The following TRABD2B variants were observed in gnomAD, a reference collection of about 807,000 sequenced individuals.
TRABD2B encodes metalloprotease TIKI2.
In TRABD2B, 14 loss-of-function variants were observed where a neutral mutation model predicts 40.1. That is an observed-to-expected ratio of 0.35 (90% CI 0.23 to 0.55). TRABD2B has a LOEUF of 0.55. TRABD2B is among the 20% of genes least tolerant of loss of function. The pLI is 0.90. For synonymous variants in TRABD2B, 263 were observed against 277.0 expected (o/e 0.95, Z 0.50); for missense variants, 541 against 648.6 (o/e 0.83, Z 1.80).
Position 47,996,967 on chromosome 1 carries a change from C to A in TRABD2B, c.-178G>T. The A allele has an allele frequency of 9.0e-7, 1 of 1,106,996 alleles. No homozygotes were observed. Among genetic ancestry groups the A allele is most frequent in the South Asian group, 4.5e-5 (1 of 22,338 alleles). 68.6% of individuals were successfully genotyped at this position (1,106,996 alleles called of 1,614,324 possible). The stretch of plus-strand genomic sequence containing the variant: ...TCGGACCTGGGGGTTTCTCTGGGGC[C>A]GGGCTCCGTCTGTTGGAAGAGGGAG... On this transcript the variant is annotated 5_prime_UTR_variant, in exon 1 of 7. Coordinates refer to ENST00000606738, the MANE Select transcript of TRABD2B (RefSeq NM_001194986.2). This position sits in a 1 kb window ranked among gnomAD's most constrained non-coding sequence, Gnocchi z 4.6.
chr1:47,772,594 A>G (rs941192292), intron 6 of TRABD2B, among the ~76,000 whole-genome samples: 8 of 152,142 alleles, frequency 5.3e-5, no homozygotes, highest in African/African-American at 1.9e-4. Flanking sequence ...GATGGCTCCA[A>G]TGGGGTTTCG....
intron 6 of TRABD2B, among the ~76,000 whole-genome samples, chr1:47,771,786 A>G (rs1644380703): frequency 1.3e-5 from 2 of 152,190 alleles, no homozygotes; most frequent in South Asian, 4.1e-4. Flanking sequence ...ATGGGTCCCC[A>G]TAAATCATCC....
At chr1:47,838,153 C>T (rs1257563194) in intron 2 of TRABD2B, among the ~76,000 whole-genome samples, 1 of 152,234 alleles carries the variant, frequency 6.6e-6, no homozygotes, top group Non-Finnish European at 1.5e-5. Flanking sequence ...ACTGTCCTCC[C>T]TCTCACCCTA....
In TRABD2B at chr1:47,764,837, C is replaced by T. The variant is rs1644282771; in HGVS notation, c.*1065G>A. ...GGATCTTCAGCAAGTCCCTTCGCCT[C>T]TTTGGGGGGCTCAGTTTCCTCATCT... is the stretch of plus-strand genomic sequence containing the variant. On this transcript the variant is annotated 3_prime_UTR_variant, in exon 7 of 7. Coordinates refer to ENST00000606738, the MANE Select transcript of TRABD2B (RefSeq NM_001194986.2). 6.6e-6 allele frequency: 1 copy of T among 152,250 alleles called. No individual in the cohort carries two copies. Among genetic ancestry groups the T allele is most frequent in the South Asian group, 2.1e-4 (1 of 4,824 alleles). 9.4% of individuals were successfully genotyped at this position (152,250 alleles called of 1,614,324 possible). A position where few individuals can be genotyped will look rare whatever the true frequency, so the allele number is the denominator to read the frequency against.
chr1:47,834,606 GC>G (rs1645295210), intron 2 of TRABD2B, among the ~76,000 whole-genome samples: 1 of 141,994 alleles, frequency 7.0e-6, no homozygotes, highest in African/African-American at 2.9e-5. Context: ...CACACACAGA[GC>G]CCTTCAGCAA....
At chr1:47,768,779 T>A (rs1644339813) in intron 6 of TRABD2B, among the ~76,000 whole-genome samples, 1 of 152,254 alleles carries the variant, frequency 6.6e-6, no homozygotes, top group African/African-American at 2.4e-5. Flanking sequence ...GTGTCTCTCC[T>A]AATAATAACA....
chr1:47,943,562 G>A (rs1645216794), intron 2 of TRABD2B, among the ~76,000 whole-genome samples: 3 of 152,034 alleles, frequency 2.0e-5, no homozygotes, highest in South Asian at 2.1e-4. Flanking sequence ...AGAAGGACAG[G>A]GTCATATATT....
At chr1:47,905,930 T>C (rs1644670656) in intron 2 of TRABD2B, among the ~76,000 whole-genome samples, 1 of 152,190 alleles carries the variant, frequency 6.6e-6, no homozygotes, top group African/African-American at 2.4e-5. Context: ...CCAGCCTCTA[T>C]CCCTTGCACC....
At position 47,962,274 on chromosome 1, in the gene TRABD2B, A is replaced by T. The variant is rs529642415; in HGVS notation, c.666+31760T>A. On this transcript the variant is annotated intron_variant, in intron 2 of 6. Transcript: ENST00000606738. ...ATATACCTAATGTAAATGACGAGTT[A>T]ATGGGTGCAGCACAACAACGTGGTA... Among the ~76,000 whole-genome samples, 195 of 152,296 alleles carry T rather than the reference A, an allele frequency of 1.3e-3. 2 individuals are homozygous for T. Among genetic ancestry groups the T allele is most frequent in the Non-Finnish European group, 2.4e-3 (166 of 68,036 alleles).
At chr1:47,799,839 A>G (rs968081013) in intron 3 of TRABD2B, among the ~76,000 whole-genome samples, 1 of 152,110 alleles carries the variant, frequency 6.6e-6, no homozygotes, top group Admixed American at 6.5e-5. Context: ...CCTACCCACA[A>G]GCCCATCTAA....
At chr1:47,807,228 G>A (rs1213964985) in intron 2 of TRABD2B, among the ~76,000 whole-genome samples, 3 of 152,192 alleles carry the variant, frequency 2.0e-5, no homozygotes, top group Non-Finnish European at 4.4e-5. Context: ...AGGCAAAGAA[G>A]GGGTTACTAT....
intron 2 of TRABD2B, among the ~76,000 whole-genome samples, chr1:47,865,566 C>T (rs1197365329): frequency 6.6e-6 from 1 of 151,938 alleles, no homozygotes; most frequent in East Asian, 1.9e-4. Flanking sequence ...GGCACTTGTC[C>T]CAGGGTTCAG....
chr1:47,954,224 AT>A (rs1408300232), intron 2 of TRABD2B, among the ~76,000 whole-genome samples: 1 of 152,052 alleles, frequency 6.6e-6, no homozygotes, highest in African/African-American at 2.4e-5. Flanking sequence ...TGTTCCCCAA[AT>A]TGGACTTCCT....
chr1:47,965,765 G>A (rs183652594), intron 2 of TRABD2B, among the ~76,000 whole-genome samples: 1 of 152,122 alleles, frequency 6.6e-6, no homozygotes, highest in Non-Finnish European at 1.5e-5. Flanking sequence ...CTACTTCTAG[G>A]ATACTAGGAT....
intron 2 of TRABD2B, among the ~76,000 whole-genome samples, chr1:47,906,732 G>T (rs1644683558): frequency 6.6e-6 from 1 of 152,242 alleles, no homozygotes; most frequent in Non-Finnish European, 1.5e-5. Context: ...AAAGGAACAG[G>T]GGCCCAGAAT....
Position 47,997,076 on chromosome 1 carries a change from G to T in TRABD2B, c.-287C>A, listed in dbSNP as rs1418961113. 2 of 984,078 alleles carry T rather than the reference G, an allele frequency of 2.0e-6. No individual in the cohort carries two copies. Among genetic ancestry groups the T allele is most frequent in the Non-Finnish European group, 2.4e-6 (2 of 829,284 alleles). 61.0% of individuals were successfully genotyped at this position (984,078 alleles called of 1,614,324 possible). On this transcript the variant is annotated 5_prime_UTR_variant, in exon 1 of 7. Coordinates refer to ENST00000606738, the MANE Select transcript of TRABD2B (RefSeq NM_001194986.2). ...TGCTGAGGGCGTGTTGGGGTCCGGG[G>T]GCGCGCGGGGTCCCGGAGCTGCGTC...
chr1:47,815,524 C>G (rs1446528734), intron 2 of TRABD2B, among the ~76,000 whole-genome samples: 5 of 152,184 alleles, frequency 3.3e-5, no homozygotes, highest in Admixed American at 3.3e-4. Context: ...AGGGACCCAC[C>G]AGGTCAGAAA....
intron 2 of TRABD2B, among the ~76,000 whole-genome samples, chr1:47,904,287 T>A (rs1241933309): frequency 6.6e-6 from 1 of 152,082 alleles, no homozygotes; most frequent in African/African-American, 2.4e-5. Flanking sequence ...GCATGATCAA[T>A]GGCTGGGATG....
intron 3 of TRABD2B, among the ~76,000 whole-genome samples, chr1:47,795,902 C>T (rs1644741845): frequency 6.6e-6 from 1 of 152,156 alleles, no homozygotes; most frequent in African/African-American, 2.4e-5. Flanking sequence ...TGCCATCACC[C>T]CACACTATAC....
Sources: allele counts gnomAD v4.1 joint callset (sites outside exome capture counted in the v4.1 genomes callset), GRCh38; gene constraint gnomAD v4.1.1; non-coding constraint Gnocchi (gnomAD v3.1); transcripts MANE v1.5; gene names NCBI Gene and HGNC (gene_info 2026-07-23, HGNC 2026-07-21).